Variants in PPM1L observed in about 807,000 individuals in gnomAD.
The protein encoded by PPM1L is protein phosphatase, Mg2+/Mn2+ dependent 1L.
PPM1L carries 13 observed loss-of-function variants against 31.4 expected under a neutral mutation model. The ratio of observed to expected loss-of-function variants is 0.41; its 90% CI spans 0.27 to 0.66. PPM1L has a LOEUF of 0.66. Among genes scored for constraint, PPM1L ranks in the 30% least tolerant of loss-of-function variants. The probability of loss-of-function intolerance (pLI) is 0.29; values close to 1 mark genes in which losing one functional copy is unlikely to be tolerated. For missense variants in PPM1L, 326 were observed against 453.7 expected (o/e 0.72, Z 2.56); for synonymous variants, 184 against 175.4 (o/e 1.05, Z -0.39).
At chr3:160,807,926 G>A (rs1156267725) in intron 1 of PPM1L, among the ~76,000 whole-genome samples, 1 of 150,664 alleles carries the variant, frequency 6.6e-6, no homozygotes, top group African/African-American at 2.4e-5. Flanking sequence ...AATTTTTTTT[G>A]TTTATAAAGA....
intron 2 of PPM1L, among the ~76,000 whole-genome samples, chr3:160,995,797 G>C (rs1717302016): frequency 1.3e-5 from 2 of 152,150 alleles, no homozygotes; most frequent in African/African-American, 4.8e-5. Flanking sequence ...GAGGTTTTTG[G>C]TTTTGTGGGT....
rs1312237729 is a variant in PPM1L, at chr3:160,911,801, GCA to G, written c.400-49930_400-49929del. 3.3e-5 allele frequency among the ~76,000 whole-genome samples: 5 copies of G among 152,278 alleles called. No homozygotes were observed. In the East Asian group the frequency reaches 9.7e-4, roughly 29 times the overall value. ...ATGCAGATAGAGGAATCCAAAAGGA[GCA>G]CACAGAGTGGATCCAAGAAATTTAA... On this transcript the variant is annotated intron_variant, in intron 1 of 3. Transcript: ENST00000498165.
chr3:160,909,935 G>A (rs1210913568), intron 1 of PPM1L, among the ~76,000 whole-genome samples: 1 of 152,192 alleles, frequency 6.6e-6, no homozygotes, highest in Non-Finnish European at 1.5e-5. Context: ...ATGTGAAGGT[G>A]ATGTACTGAC....
intron 2 of PPM1L, among the ~76,000 whole-genome samples, chr3:160,988,396 A>G (rs1299518602): frequency 6.6e-6 from 1 of 152,198 alleles, no homozygotes; most frequent in African/African-American, 2.4e-5. Context: ...CACAGTTGCT[A>G]TAGATTTCCA....
intron 1 of PPM1L, among the ~76,000 whole-genome samples, chr3:160,920,710 G>T (rs988838308): frequency 2.0e-5 from 3 of 149,476 alleles, no homozygotes; most frequent in Non-Finnish European, 4.4e-5. Flanking sequence ...ATCCCTTTTA[G>T]CAGTAGGAGG....
intron 2 of PPM1L, among the ~76,000 whole-genome samples, chr3:161,048,571 C>T (rs1229751265): frequency 6.6e-6 from 1 of 152,156 alleles, no homozygotes; most frequent in Admixed American, 6.5e-5. Context: ...CCAGCCATCT[C>T]ATTACTGGGT....
At chr3:161,025,800 A>G (rs913757054) in intron 2 of PPM1L, among the ~76,000 whole-genome samples, 2 of 152,208 alleles carry the variant, frequency 1.3e-5, no homozygotes, top group Non-Finnish European at 2.9e-5. Context: ...CGATAGGTTA[A>G]GCAAAATGGA....
chr3:161,046,967 A>G (rs1476905217), intron 2 of PPM1L, among the ~76,000 whole-genome samples: 2 of 152,130 alleles, frequency 1.3e-5, no homozygotes, highest in Non-Finnish European at 2.9e-5. Flanking sequence ...CTTATGACAA[A>G]CCCACAGCCA....
At chr3:160,973,521 A>C (rs1461781776) in intron 2 of PPM1L, among the ~76,000 whole-genome samples, 1 of 152,166 alleles carries the variant, frequency 6.6e-6, no homozygotes, top group African/African-American at 2.4e-5. Flanking sequence ...TAAGACCTTC[A>C]GTTTATAGAG....
At position 160,959,675 on chromosome 3, in the gene PPM1L, CA is replaced by C. The variant is rs561677398; in HGVS notation, c.400-2053del. Among the ~76,000 whole-genome samples, 3 of 151,328 alleles carry C rather than the reference CA, an allele frequency of 2.0e-5. No homozygotes were observed. In the South Asian group the frequency reaches 6.3e-4, roughly 32 times the overall value. ...TAAAACCCCGTCTCTACTAATAATA[CA>C]AAAAAAATTAGCCGGGCATGGTGGC... On this transcript the variant is annotated intron_variant, in intron 1 of 3. Transcript: ENST00000498165.
chr3:160,964,736 T>C (rs1716078045), intron 2 of PPM1L, among the ~76,000 whole-genome samples: 2 of 152,014 alleles, frequency 1.3e-5, no homozygotes, highest in African/African-American at 4.8e-5. Flanking sequence ...TTGCCTTTGC[T>C]CATCTCTGCA....
intron 1 of PPM1L, among the ~76,000 whole-genome samples, chr3:160,791,436 A>G (rs1337755225): frequency 2.0e-5 from 3 of 152,160 alleles, no homozygotes; most frequent in East Asian, 3.8e-4. Context: ...AGGTCTTAGT[A>G]AGTTTATTTC....
chr3:160,769,177 C>T (rs1053027610), intron 1 of PPM1L, among the ~76,000 whole-genome samples: 1 of 152,152 alleles, frequency 6.6e-6, no homozygotes, highest in Non-Finnish European at 1.5e-5. Flanking sequence ...CTCTGGAGGA[C>T]ATGACAACTT....
At chr3:160,852,800 A>G (rs1711565834) in intron 1 of PPM1L, among the ~76,000 whole-genome samples, 1 of 152,238 alleles carries the variant, frequency 6.6e-6, no homozygotes, top group Non-Finnish European at 1.5e-5. Context: ...TTATGTTTAT[A>G]ACACTGTATT....
chr3:160,906,070 T>C (rs926192929), intron 1 of PPM1L, among the ~76,000 whole-genome samples: 2 of 152,090 alleles, frequency 1.3e-5, no homozygotes, highest in African/African-American at 4.8e-5. Context: ...CTTAACATTA[T>C]TATTATTATT....
chr3:161,059,418 A>T (rs1340952038), intron 2 of PPM1L, among the ~76,000 whole-genome samples: 1 of 152,160 alleles, frequency 6.6e-6, no homozygotes, highest in African/African-American at 2.4e-5. Context: ...GCTACATCTG[A>T]TAGCTCTTTT....
intron 2 of PPM1L, among the ~76,000 whole-genome samples, chr3:161,023,314 T>G (rs1355761757): frequency 1.3e-5 from 2 of 152,160 alleles, no homozygotes; most frequent in Non-Finnish European, 2.9e-5. Context: ...TCTTCAAATA[T>G]TCTTTTGTTC....
chr3:160,887,894 A>C (rs1712978853), intron 1 of PPM1L, among the ~76,000 whole-genome samples: 1 of 152,132 alleles, frequency 6.6e-6, no homozygotes, highest in Admixed American at 6.5e-5. Flanking sequence ...TTCTTAAAGA[A>C]AAGAATTCTC....
chr3:161,028,738 C>T (rs575293395), intron 2 of PPM1L, among the ~76,000 whole-genome samples: 3 of 152,256 alleles, frequency 2.0e-5, no homozygotes, highest in East Asian at 1.9e-4. Context: ...AAGGCTCTCC[C>T]GGGTGGTAGA....
Sources: allele counts gnomAD v4.1 joint callset (sites outside exome capture counted in the v4.1 genomes callset), GRCh38; gene constraint gnomAD v4.1.1; transcripts MANE v1.5; gene names NCBI Gene and HGNC (gene_info 2026-07-23, HGNC 2026-07-21).